Variants in AP3B2 observed in about 807,000 individuals in gnomAD.
The protein encoded by AP3B2 is AP-3 complex subunit beta-2.
AP3B2 carries 50 observed loss-of-function variants against 126.9 expected under a neutral mutation model. That is an observed-to-expected ratio of 0.39 (90% CI 0.31 to 0.50). The LOEUF (loss-of-function observed/expected upper bound fraction) is 0.50. Ranked by LOEUF, AP3B2 falls within the 20% of genes least tolerant of loss-of-function variation. The pLI is 0.79. For synonymous variants in AP3B2, 541 were observed against 565.0 expected (o/e 0.96, Z 0.60); for missense variants, 1,177 against 1,426.4 (o/e 0.83, Z 2.82).
intron 1 of AP3B2, among the ~76,000 whole-genome samples, chr15:82,693,211 C>A (rs568108785): frequency 0.011 from 1,566 of 146,670 alleles, 27 homozygotes; most frequent in African/African-American, 0.034. Flanking sequence ...CGCCCCCGCC[C>A]CACTTAAATA....
chr15:82,678,274 C>T, intron 10 of AP3B2, 107 bp from the exon 11 acceptor site: 1 of 1,064,682 alleles, frequency 9.4e-7, no homozygotes. Context: ...CTCATGACAG[C>T]CCTGCATCAT....
chr15:82,684,615 AG>A (rs2151445009), intron 4 of AP3B2, among the ~76,000 whole-genome samples: 1 of 152,312 alleles, frequency 6.6e-6, no homozygotes, highest in East Asian at 1.9e-4. Context: ...TCTGGGTTCA[AG>A]TGATCCTCCC....
Position 82,677,761 on chromosome 15 carries a change from T to C in AP3B2, c.1288A>G (p.Ile430Val), listed in dbSNP as rs1310995941. The C allele has an allele frequency of 1.1e-5, 18 of 1,612,512 alleles. No individual in the cohort carries two copies. Among genetic ancestry groups the C allele is most frequent in the Non-Finnish European group, 1.5e-5 (18 of 1,179,054 alleles). Residue 430 changes from isoleucine to valine, a missense_variant, in exon 12 of 27, where the codon ATC becomes GTC. By Grantham distance (29) the Ile-to-Val change is conservative (BLOSUM62 3). Coordinates refer to ENST00000535359, the MANE Select transcript of AP3B2 (RefSeq NM_001278512.2). ...SMDKDFVAAT[I>V]QAIGRCATNI... The stretch of plus-strand genomic sequence containing the variant: ...GTTGCACAGCGTCCAATGGCCTGGA[T>C]TGTGGCTGCCACAAAGTCCTTGTCC...
In AP3B2 at chr15:82,665,376, AACACACACACAC is replaced by A. The variant is rs60428596; in HGVS notation, c.1971+69_1972-74del. The A allele has an allele frequency of 2.4e-3, 3,042 of 1,255,978 alleles. 7 individuals are homozygous for A. Among genetic ancestry groups the A allele is most frequent in the South Asian group, 7.1e-3 (542 of 76,654 alleles). 77.8% of individuals were successfully genotyped at this position (1,255,978 alleles called of 1,614,324 possible). On this transcript the variant is annotated intron_variant, in intron 16 of 26. Coordinates refer to ENST00000535359, the MANE Select transcript of AP3B2 (RefSeq NM_001278512.2). The surrounding 1 kb of genome is among the most constrained non-coding windows in gnomAD (Gnocchi z 4.4). The stretch of plus-strand genomic sequence containing the variant: ...GGGCTCCCTACTGTCTGCCCCCACC[AACACACACACAC>A]ACACACACACACACACACACACACA...
At chr15:82,707,053 C>A (rs1030588391) in intron 1 of AP3B2, among the ~76,000 whole-genome samples, 2 of 152,150 alleles carry the variant, frequency 1.3e-5, no homozygotes, top group East Asian at 3.9e-4. Flanking sequence ...AAGGCCACTG[C>A]GGTCATTTCT....
In AP3B2 at chr15:82,663,242, G is replaced by T; in HGVS notation, c.2498-9C>A. ...GACACTGGGAGGGGTGACTGTGGGA[G>T]TAGATAAGACTATGAGGAGGCAAAG... On this transcript the variant is annotated splice_polypyrimidine_tract_variant and intron_variant, in intron 21 of 26. Transcript: ENST00000535359. 1 of 1,605,818 alleles carries T rather than the reference G, an allele frequency of 6.2e-7. No homozygotes were observed. The highest frequency in any genetic ancestry group is 8.5e-7 in the Non-Finnish European group (1 of 1,174,230).
chr15:82,676,015 C>T (rs1241278719), intron 14 of AP3B2, among the ~76,000 whole-genome samples: 3 of 152,140 alleles, frequency 2.0e-5, no homozygotes. Flanking sequence ...TGGCCACCAG[C>T]ACCACCCAAG....
In AP3B2 at chr15:82,679,735, G is replaced by A. The variant is rs1427444833; in HGVS notation, c.1176C>T (p.Ile392=). 6.2e-7 allele frequency: 1 copy of A among 1,613,586 alleles called. No individual in the cohort carries two copies. Among genetic ancestry groups the A allele is most frequent in the Non-Finnish European group, 8.5e-7 (1 of 1,179,578 alleles). The change falls in exon 10 of 27, where the codon ATC becomes ATT. Residue 392 remains isoleucine, a synonymous_variant. Coordinates refer to ENST00000535359, the MANE Select transcript of AP3B2 (RefSeq NM_001278512.2). ...IRSTDPTQIK[I]LKLEVLTNLA... is the part of the protein sequence containing the mutation. ...ACTTCTGTCCCTCACTCACCTTCAG[G>A]ATCTTAATCTGGGTGGGGTCGGTGG...
Position 82,662,889 on chromosome 15 carries a change from C to T in AP3B2, c.2638G>A (p.Glu880Lys). 6.2e-7 allele frequency: 1 copy of T among 1,613,484 alleles called. No individual in the cohort carries two copies. Among genetic ancestry groups the T allele is most frequent in the Non-Finnish European group, 8.5e-7 (1 of 1,179,786 alleles). ...LSPVSGVGRQ[E>K]LLHRVAGEGL... ...TCGCCAGCTACCCGGTGCAGCAGCT[C>T]CTGCCGCCCAACACCCGATACTGGA... The change falls in exon 23 of 27, where the codon GAG (glutamate) becomes AAG (lysine). Residue 880 changes from glutamate to lysine, a missense_variant. Coordinates refer to ENST00000535359, the MANE Select transcript of AP3B2 (RefSeq NM_001278512.2).
chr15:82,705,306 A>G (rs922069074), intron 1 of AP3B2, among the ~76,000 whole-genome samples: 11 of 152,126 alleles, frequency 7.2e-5, no homozygotes, highest in Non-Finnish European at 1.2e-4. Context: ...ATGGCCTTTT[A>G]AAGCCTATAA....
At position 82,664,832 on chromosome 15, in the gene AP3B2, C is replaced by G. The variant is rs759835488; in HGVS notation, c.2137+3G>C. On this transcript the variant is annotated splice_donor_region_variant and intron_variant, in intron 18 of 26. Transcript: ENST00000535359. The surrounding 1 kb of genome is among the most constrained non-coding windows in gnomAD (Gnocchi z 4.5). ...GAGGACCCCAGCTCTGCCATCTGCT[C>G]ACCACTGTCTGCGGACTCCGTGGGG... 1 of 1,585,890 alleles carries G rather than the reference C, an allele frequency of 6.3e-7. No homozygotes were observed. The highest frequency in any genetic ancestry group is 8.6e-7 in the Non-Finnish European group (1 of 1,164,372).
At chr15:82,674,565 T>TA (rs2048212749) in intron 14 of AP3B2, among the ~76,000 whole-genome samples, 1 of 152,228 alleles carries the variant, frequency 6.6e-6, no homozygotes, top group Non-Finnish European at 1.5e-5. Flanking sequence ...CTGCTGTGTT[T>TA]AAAATGTTTA....
intron 4 of AP3B2, among the ~76,000 whole-genome samples, chr15:82,682,360 C>G (rs555344138): frequency 6.6e-6 from 1 of 151,986 alleles, no homozygotes; most frequent in East Asian, 1.9e-4. Context: ...GCCCCAAGCC[C>G]TTCTTCTTTA....
intron 1 of AP3B2, among the ~76,000 whole-genome samples, chr15:82,704,996 G>A (rs929451707): frequency 7.9e-5 from 12 of 151,806 alleles, no homozygotes; most frequent in African/African-American, 1.7e-4. Flanking sequence ...CCCCACCTGC[G>A]CAGTTCCCTT....
At chr15:82,699,921 C>T in intron 1 of AP3B2, 1 of 399,136 alleles carries the variant, frequency 2.5e-6, no homozygotes, top group Non-Finnish European at 4.4e-6. Context: ...GGCGCTGGGG[C>T]TCCTGTCACA....
At chr15:82,663,727 G>A in intron 20 of AP3B2, 74 bp downstream of exon 20, 6 of 1,598,558 alleles carry the variant, frequency 3.8e-6, no homozygotes, top group South Asian at 1.1e-5. Flanking sequence ...GGAGATAGAT[G>A]TCTGGGCCTG....
At chr15:82,679,304 C>T (rs752629737) in intron 10 of AP3B2, among the ~76,000 whole-genome samples, 2 of 152,146 alleles carry the variant, frequency 1.3e-5, no homozygotes, top group African/African-American at 2.4e-5. Flanking sequence ...TTGTATTTTT[C>T]GTTGAGACGA....
At chr15:82,691,384 G>A (rs1294228155) in intron 1 of AP3B2, among the ~76,000 whole-genome samples, 3 of 152,066 alleles carry the variant, frequency 2.0e-5, no homozygotes, top group Non-Finnish European at 2.9e-5. Flanking sequence ...TTTCTTAAAC[G>A]TTTAAAACAT....
chr15:82,680,098 C>A lies in AP3B2; in HGVS notation c.1110+77G>T. ...CATCTTCCCTTTCCCCGGCCCCGGT[C>A]CCAGCCCCGACAACGCCTCCAGTGC... On this transcript the variant is annotated intron_variant, in intron 9 of 26. Coordinates refer to ENST00000535359, the MANE Select transcript of AP3B2 (RefSeq NM_001278512.2). This position sits in a 1 kb window ranked among gnomAD's most constrained non-coding sequence, Gnocchi z 6.1. 1 of 1,585,096 alleles carries A rather than the reference C, an allele frequency of 6.3e-7. No homozygotes were observed. Among genetic ancestry groups the A allele is most frequent in the Non-Finnish European group, 8.6e-7 (1 of 1,162,516 alleles).
Sources: gnomAD v4.1 joint callset for allele counts (sites outside exome capture counted in the v4.1 genomes callset) on GRCh38, gnomAD v4.1.1 for gene constraint, Gnocchi (gnomAD v3.1) non-coding constraint, MANE v1.5 for transcripts, NCBI Gene and HGNC (gene_info 2026-07-23, HGNC 2026-07-21) for gene names.